RSU1: variants seen among roughly 807,000 people sequenced by gnomAD.
RSU1 encodes rsu-1.
In RSU1, 26 loss-of-function variants were observed where a neutral mutation model predicts 31.1. The ratio of observed to expected loss-of-function variants is 0.84; its 90% CI spans 0.61 to 1.16. RSU1 has a LOEUF of 1.16. Ranked by LOEUF, RSU1 falls within the 50% of genes most tolerant of loss-of-function variation. The pLI is 0.00. For synonymous variants in RSU1, 164 were observed against 136.3 expected (o/e 1.20, Z -1.41); for missense variants, 320 against 339.1 (o/e 0.94, Z 0.44).
chr10:16,592,019 T>C lies in RSU1; in HGVS notation c.*1375A>G, dbSNP rs927176985. ...TGCTCTGTGGCCTCTCTGATTGAAATGCGAAGTCTGTTTCCTAAGTAACTC... is the reference window on the plus strand; with the variant it reads ...TGCTCTGTGGCCTCTCTGATTGAAACGCGAAGTCTGTTTCCTAAGTAACTC... On this transcript the variant is annotated 3_prime_UTR_variant, in exon 9 of 9. Coordinates refer to ENST00000345264, the MANE Select transcript of RSU1 (RefSeq NM_012425.4). The C allele has an allele frequency of 6.6e-6, 1 of 152,224 alleles. No homozygotes were observed. The highest frequency in any genetic ancestry group is 2.4e-5 in the African/African-American group (1 of 41,450). 9.4% of individuals were successfully genotyped at this position (152,224 alleles called of 1,614,324 possible).
intron 2 of RSU1, among the ~76,000 whole-genome samples, chr10:16,786,329 A>G (rs549370792): frequency 4.5e-4 from 68 of 152,214 alleles, no homozygotes; most frequent in Non-Finnish European, 8.8e-4. Context: ...TGATTTGGCC[A>G]GTATGAGTCC....
intron 8 of RSU1, among the ~76,000 whole-genome samples, chr10:16,667,121 C>G (rs1475620375): frequency 2.0e-5 from 3 of 152,164 alleles, no homozygotes; most frequent in African/African-American, 7.2e-5. Flanking sequence ...GGGTCTATCT[C>G]CAGCTCAAGA....
At chr10:16,706,944 C>T (rs566228149) in intron 7 of RSU1, among the ~76,000 whole-genome samples, 33 of 152,042 alleles carry the variant, frequency 2.2e-4, no homozygotes, top group Non-Finnish European at 4.3e-4. Flanking sequence ...AGGATACCAA[C>T]TCTGTTTTTG....
intron 8 of RSU1, among the ~76,000 whole-genome samples, chr10:16,672,480 G>C (rs1268939126): frequency 1.3e-5 from 2 of 152,076 alleles, no homozygotes; most frequent in East Asian, 3.9e-4. Context: ...CCACCAGCAG[G>C]CAAAAGGATA....
intron 2 of RSU1, among the ~76,000 whole-genome samples, chr10:16,785,469 T>TATACACATATATACATATATATAC (rs1190894470): frequency 2.3e-5 from 3 of 130,694 alleles, no homozygotes; most frequent in East Asian, 4.4e-4. Flanking sequence ...CATATATATA[T>TATACACATATATACATATATATAC]ACACATATAT....
chr10:16,758,077 A>G (rs1023170825), intron 4 of RSU1, among the ~76,000 whole-genome samples: 2 of 152,166 alleles, frequency 1.3e-5, no homozygotes, highest in Non-Finnish European at 2.9e-5. Flanking sequence ...TGACAAACCA[A>G]TACCCACAAC....
intron 8 of RSU1, among the ~76,000 whole-genome samples, chr10:16,686,962 C>T (rs1835451485): frequency 1.3e-5 from 2 of 152,122 alleles, no homozygotes. Context: ...AGGCAAGGAG[C>T]ATAGGGTTTT....
At chr10:16,721,083 TAC>T (rs1340056793) in intron 7 of RSU1, among the ~76,000 whole-genome samples, 1 of 152,234 alleles carries the variant, frequency 6.6e-6, no homozygotes. Context: ...ATTCCATTAG[TAC>T]AGTTTGTGTC....
At chr10:16,741,375 G>A (rs2131610497) in intron 7 of RSU1, among the ~76,000 whole-genome samples, 1 of 152,286 alleles carries the variant, frequency 6.6e-6, no homozygotes, top group South Asian at 2.1e-4. Context: ...AGGAGAGATG[G>A]ACGGATTGGA....
intron 2 of RSU1, among the ~76,000 whole-genome samples, chr10:16,791,851 C>T (rs1276915628): frequency 6.6e-6 from 1 of 152,064 alleles, no homozygotes; most frequent in Non-Finnish European, 1.5e-5. Flanking sequence ...CAAGGTGGCC[C>T]AACTTATCAC....
chr10:16,594,802 TG>T (rs1022423324), intron 8 of RSU1, among the ~76,000 whole-genome samples: 8 of 147,502 alleles, frequency 5.4e-5, no homozygotes, highest in Non-Finnish European at 1.0e-4. Context: ...TTTTTTTTTT[TG>T]AGATGGAGTC....
chr10:16,682,054 A>G (rs996025990), intron 8 of RSU1, among the ~76,000 whole-genome samples: 1 of 152,134 alleles, frequency 6.6e-6, no homozygotes, highest in Non-Finnish European at 1.5e-5. Context: ...ACATGAGAAG[A>G]GAATTCTGTG....
rs1051422497 is a variant in RSU1, at chr10:16,641,385, G to A, written c.732-47889C>T. ...CAGGCACCTGTAGTCCCAGCTACTC[G>A]GGAGGCTGAGGCAGAAGACTCGTAT... is the stretch of plus-strand genomic sequence containing the variant. On this transcript the variant is annotated intron_variant, in intron 8 of 8. Coordinates refer to ENST00000345264, the MANE Select transcript of RSU1 (RefSeq NM_012425.4). Among the ~76,000 whole-genome samples the A allele has an allele frequency of 3.3e-5, 5 of 151,910 alleles. No individual in the cohort carries two copies. The South Asian group carries it at 6.2e-4, about 19-fold the overall frequency.
intron 8 of RSU1, among the ~76,000 whole-genome samples, chr10:16,667,647 C>G (rs770123204): frequency 6.6e-6 from 1 of 152,042 alleles, no homozygotes; most frequent in African/African-American, 2.4e-5. Flanking sequence ...ACCACCACAC[C>G]GGGCTAAGTT....
intron 8 of RSU1, among the ~76,000 whole-genome samples, chr10:16,688,622 A>G (rs1362441963): frequency 6.6e-6 from 1 of 152,214 alleles, no homozygotes; most frequent in African/African-American, 2.4e-5. Flanking sequence ...AAAAGAAAAA[A>G]TAATACAAAT....
intron 2 of RSU1, among the ~76,000 whole-genome samples, chr10:16,797,876 T>G (rs903165816): frequency 2.7e-5 from 4 of 148,360 alleles, no homozygotes; most frequent in Non-Finnish European, 4.5e-5. Context: ...TTTTTTTTTT[T>G]TTTGAGATGG....
At chr10:16,659,884 G>T (rs953684105) in intron 8 of RSU1, among the ~76,000 whole-genome samples, 2 of 152,194 alleles carry the variant, frequency 1.3e-5, no homozygotes, top group Non-Finnish European at 2.9e-5. Context: ...GGTATACAAA[G>T]TGTAAACTGT....
intron 2 of RSU1, among the ~76,000 whole-genome samples, chr10:16,784,743 T>C (rs1035747511): frequency 3.1e-4 from 47 of 152,076 alleles, no homozygotes; most frequent in South Asian, 2.7e-3. Flanking sequence ...CATAAAACCA[T>C]TCGATCTCGT....
At chr10:16,643,309 A>G (rs1018738087) in intron 8 of RSU1, among the ~76,000 whole-genome samples, 3 of 152,208 alleles carry the variant, frequency 2.0e-5, no homozygotes, top group Admixed American at 6.5e-5. Context: ...CTTTGCTTCA[A>G]TGATTCCTAG....
Sources: allele counts gnomAD v4.1 joint callset (sites outside exome capture counted in the v4.1 genomes callset), GRCh38; gene constraint gnomAD v4.1.1; transcripts MANE v1.5; gene names NCBI Gene and HGNC (gene_info 2026-07-23, HGNC 2026-07-21).